The following ZFHX4 variants were observed in gnomAD, a reference collection of about 807,000 sequenced individuals.
ZFHX4 encodes zinc finger homeobox 4.
ZFHX4 carries 56 observed loss-of-function variants against 267.6 expected under a neutral mutation model. That is an observed-to-expected ratio of 0.21 (90% CI 0.17 to 0.26). The LOEUF (loss-of-function observed/expected upper bound fraction) is 0.26, where lower values mean the gene tolerates loss of function less well. ZFHX4 is among the 10% of genes least tolerant of loss of function. The pLI, the probability that ZFHX4 is intolerant of heterozygous loss-of-function variation, is 1.00. For missense variants in ZFHX4, 4,332 were observed against 4,420.0 expected (o/e 0.98, Z 0.56); for synonymous variants, 1,778 against 1,665.6 (o/e 1.07, Z -1.64).
rs770088878 is a variant in ZFHX4 at position 76,853,234 on chromosome 8, C to T, written c.6313C>T (p.Leu2105Phe). ...LALQLPQMDA[L>F]SADLTQLCQQ... ...CCTGCAGCTGCCACAGATGGACGCA[C>T]TCTCTGCAGACCTCACCCAACTTTG... Residue 2105 changes from leucine (L) to phenylalanine (F), a missense_variant, in exon 10 of 11, where the codon CTC (leucine) becomes TTC (phenylalanine). By Grantham distance (22) the Leu-to-Phe change is conservative. Transcript: ENST00000651372. 1.9e-6 allele frequency: 3 copies of T among 1,576,548 alleles called. No individual in the cohort carries two copies. Among genetic ancestry groups the T allele is most frequent in the Admixed American group, 1.9e-5 (1 of 53,580 alleles).
At chr8:76,828,723 A>G (rs1249022802) in intron 4 of ZFHX4, among the ~76,000 whole-genome samples, 1 of 152,186 alleles carries the variant, frequency 6.6e-6, no homozygotes, top group East Asian at 1.9e-4. Flanking sequence ...GAAGGTTGAC[A>G]CTTGTGAACT....
intron 4 of ZFHX4, among the ~76,000 whole-genome samples, chr8:76,788,217 C>T (rs1339646358): frequency 2.0e-5 from 3 of 152,158 alleles, no homozygotes; most frequent in African/African-American, 4.8e-5. Flanking sequence ...ACCACATGCT[C>T]ATAGTCTTCT....
intron 3 of ZFHX4, among the ~76,000 whole-genome samples, chr8:76,758,480 G>T (rs954345640): frequency 6.6e-6 from 1 of 151,894 alleles, no homozygotes; most frequent in African/African-American, 2.4e-5. Flanking sequence ...TCATAAAAGA[G>T]TTTTTTTGTT....
At chr8:76,809,016 T>A (rs1320311656) in intron 4 of ZFHX4, among the ~76,000 whole-genome samples, 1 of 151,978 alleles carries the variant, frequency 6.6e-6, no homozygotes, top group East Asian at 1.9e-4. Context: ...ATCCAGCCTC[T>A]TATCTAGTGC....
chr8:76,697,109 G>A (rs1301157340), intron 1 of ZFHX4, among the ~76,000 whole-genome samples: 2 of 151,836 alleles, frequency 1.3e-5, no homozygotes, highest in African/African-American at 4.8e-5. Flanking sequence ...AGTTATAGTG[G>A]TTATGAGATC....
intron 3 of ZFHX4, among the ~76,000 whole-genome samples, chr8:76,756,857 TTAAAAGAA>T (rs1473432227): frequency 2.0e-5 from 3 of 152,202 alleles, no homozygotes; most frequent in Non-Finnish European, 2.9e-5. Context: ...GCATCCTTTA[TTAAAAGAA>T]GCAGGGTATA....
At chr8:76,756,725 T>A (rs1350846378) in intron 3 of ZFHX4, among the ~76,000 whole-genome samples, 1 of 152,150 alleles carries the variant, frequency 6.6e-6, no homozygotes, top group African/African-American at 2.4e-5. Flanking sequence ...CTTTTCCCAG[T>A]GTCTTACCTT....
intron 1 of ZFHX4, among the ~76,000 whole-genome samples, chr8:76,684,630 T>C (rs1011048545): frequency 3.3e-5 from 5 of 152,198 alleles, no homozygotes; most frequent in African/African-American, 1.2e-4. Flanking sequence ...AAACCAGCTG[T>C]GTAAGTCAAA....
chr8:76,832,062 G>A (rs1811949402), intron 4 of ZFHX4, among the ~76,000 whole-genome samples: 1 of 151,720 alleles, frequency 6.6e-6, no homozygotes, highest in South Asian at 2.1e-4. Flanking sequence ...TACTACTAAA[G>A]GCCAAAGGTT....
intron 3 of ZFHX4, among the ~76,000 whole-genome samples, chr8:76,709,775 ATGTGTGCGTGTGTGTGCGTGTGTGTGCG>A (rs1390339636): frequency 2.3e-4 from 34 of 149,324 alleles, no homozygotes; most frequent in South Asian, 4.2e-4. Flanking sequence ...ATTTAAATGT[ATGTGTGCGTGTGTGTGCGTGTGTGTGCG>A]TGTGTGTGTG....
intron 4 of ZFHX4, among the ~76,000 whole-genome samples, chr8:76,816,844 C>T (rs1811520108): frequency 6.6e-6 from 1 of 152,010 alleles, no homozygotes; most frequent in Non-Finnish European, 1.5e-5. Flanking sequence ...GATCTGCCCG[C>T]CTTGGCCTCT....
intron 3 of ZFHX4, among the ~76,000 whole-genome samples, chr8:76,770,170 A>G (rs752713879): frequency 1.3e-5 from 2 of 152,198 alleles, no homozygotes; most frequent in Non-Finnish European, 2.9e-5. Context: ...AAATCTTGCT[A>G]TAAGTGATAA....
chr8:76,851,224 C>T lies in ZFHX4; in HGVS notation c.4303C>T (p.Arg1435Cys), dbSNP rs1355078459. ...TMCNLCQRSF[R>C]TFQALKKHLE... ...GTGTAACCTCTGCCAGCGCAGTTTC[C>T]GTACATTCCAGGCTTTAAAAAAACA... Residue 1435 changes from arginine to cysteine, a missense_variant, in exon 10 of 11, where the codon CGT becomes TGT. By Grantham distance (180) the Arg-to-Cys change is radical. Transcript: ENST00000651372. 4.3e-6 allele frequency: 7 copies of T among 1,613,706 alleles called. No homozygotes were observed. The highest frequency in any genetic ancestry group is 1.7e-5 in the Admixed American group (1 of 59,998).
intron 10 of ZFHX4, 104 bp downstream of exon 10, chr8:76,856,404 C>G (rs1812729763): frequency 7.8e-7 from 1 of 1,275,450 alleles, no homozygotes; most frequent in Non-Finnish European, 1.1e-6. Context: ...TTAATTTCAG[C>G]TAGTGAAATC....
chr8:76,803,792 C>T (rs1811178999), intron 4 of ZFHX4, among the ~76,000 whole-genome samples: 1 of 152,052 alleles, frequency 6.6e-6, no homozygotes, highest in African/African-American at 2.4e-5. Flanking sequence ...TATTATGTTA[C>T]ATTTAGTTTT....
intron 4 of ZFHX4, among the ~76,000 whole-genome samples, chr8:76,783,229 G>T (rs1044451801): frequency 6.6e-6 from 1 of 151,984 alleles, no homozygotes; most frequent in African/African-American, 2.4e-5. Context: ...CTGGAAAAGG[G>T]AGAAAGGCAG....
chr8:76,863,715 A>G lies in ZFHX4; in HGVS notation c.10001A>G (p.Gln3334Arg). 1 of 1,567,710 alleles carries G rather than the reference A, an allele frequency of 6.4e-7. No individual in the cohort carries two copies. The highest frequency in any genetic ancestry group is 1.2e-5 in the South Asian group (1 of 86,658). Residue 3334 changes from glutamine to arginine, a missense_variant, in exon 11 of 11, where the codon CAA becomes CGA. By Grantham distance (43) the Gln-to-Arg change is conservative (BLOSUM62 1). Around this residue, in one of 7 missense-constraint regions of ZFHX4, gnomAD observed 1,648 missense variants for 1,625.0 expected, o/e 1.01. Coordinates refer to ENST00000651372, the MANE Select transcript of ZFHX4 (RefSeq NM_024721.5). ...CTGCAGGAGTCCCTGCAAAAGCAGCAAAAGCAACAGCAAGAACAGCAGCAG... is the reference window on the plus strand; with the variant it reads ...CTGCAGGAGTCCCTGCAAAAGCAGCGAAAGCAACAGCAAGAACAGCAGCAG... Reference protein sequence around the residue: ...QNLQESLQKQQKQQQEQQQKP... With the variant: ...QNLQESLQKQRKQQQEQQQKP...
intron 4 of ZFHX4, among the ~76,000 whole-genome samples, chr8:76,813,091 A>C (rs1296967695): frequency 6.6e-6 from 1 of 152,138 alleles, no homozygotes; most frequent in Non-Finnish European, 1.5e-5. Context: ...CATAAAAGTA[A>C]AAATTCTAAA....
chr8:76,775,772 A>G (rs943745745), intron 3 of ZFHX4, among the ~76,000 whole-genome samples: 2 of 152,046 alleles, frequency 1.3e-5, no homozygotes, highest in African/African-American at 4.8e-5. Flanking sequence ...TGCATTGTTC[A>G]TTAGCCTGTG....
Sources: allele counts gnomAD v4.1 joint callset (sites outside exome capture counted in the v4.1 genomes callset), GRCh38; gene constraint gnomAD v4.1.1; regional missense constraint gnomAD v4.1.1; transcripts MANE v1.5; gene names NCBI Gene and HGNC (gene_info 2026-07-23, HGNC 2026-07-21).